The following TMEM67 variants were observed in gnomAD, a reference collection of about 807,000 sequenced individuals.
The protein encoded by TMEM67 is meckelin.
TMEM67 carries 124 observed loss-of-function variants against 136.6 expected under a neutral mutation model. That is an observed-to-expected ratio of 0.91 (90% CI 0.78 to 1.05). The LOEUF is 1.05. TMEM67 is among the 50% of genes least tolerant of loss of function. TMEM67 has a pLI of 0.00. For synonymous variants in TMEM67, 364 were observed against 390.5 expected, an observed-to-expected ratio of 0.93 and a Z score of 0.80; for missense variants, 1,107 against 1,178.4, an observed-to-expected ratio of 0.94 and a Z score of 0.89.
At chr8:93,769,971 A>C (rs1350280403) in intron 6 of TMEM67, among the ~76,000 whole-genome samples, 2 of 152,204 alleles carry the variant, frequency 1.3e-5, no homozygotes, top group African/African-American at 2.4e-5. Flanking sequence ...AATCCTACTC[A>C]TCCTACTCTT....
In TMEM67 at chr8:93,780,596, T is replaced by A; in HGVS notation, c.718T>A (p.Tyr240Asn). The A allele has an allele frequency of 6.2e-7, 1 of 1,614,134 alleles. No homozygotes were observed. Among genetic ancestry groups the A allele is most frequent in the Non-Finnish European group, 8.5e-7 (1 of 1,180,012 alleles). ...CTTTGCCATTGTTCTGTTGTAGGTA[T>A]ATGCCAATCTAACATCTTGTCAAGC... is the stretch of plus-strand genomic sequence containing the variant. ...LQSSAAACWV[Y>N]ANLTSCQALG... is the part of the protein sequence containing the mutation. The change falls in exon 8 of 28, where the codon TAT becomes AAT. Residue 240 changes from tyrosine (Y) to asparagine (N), a missense_variant. Physicochemically the swap from Tyr to Asn is moderately radical, Grantham distance 143 (BLOSUM62 -2). This residue lies in a region of TMEM67 where 925 missense variants were observed against 1,002.4 expected (regional missense o/e 0.92). Transcript: ENST00000453321.
At chr8:93,783,451 C>G (rs146729253) in intron 11 of TMEM67, among the ~76,000 whole-genome samples, 1 of 152,080 alleles carries the variant, frequency 6.6e-6, no homozygotes, top group African/African-American at 2.4e-5. Flanking sequence ...TTCTTCTACC[C>G]GCTCATAACA....
Position 93,797,201 on chromosome 8 carries a change from G to T in TMEM67, c.1928G>T (p.Arg643Leu). ...GATGTATTCTTTATTGATTGGGAGCGACCTAAAGGAAAGGTTCTTAAAGCT... is the reference window on the plus strand; with the variant it reads ...GATGTATTCTTTATTGATTGGGAGCTACCTAAAGGAAAGGTTCTTAAAGCT... ...TIDVFFIDWE[R>L]PKGKVLKAVE... The change falls in exon 19 of 28, where the codon CGA (arginine) becomes CTA (leucine). Residue 643 changes from arginine to leucine, a missense_variant. By Grantham distance (102) the Arg-to-Leu change is moderately radical. Around this residue, in one of 3 missense-constraint regions of TMEM67, gnomAD observed 925 missense variants for 1,002.4 expected, o/e 0.92. Coordinates refer to ENST00000453321, the MANE Select transcript of TMEM67 (RefSeq NM_153704.6). The T allele has an allele frequency of 6.2e-7, 1 of 1,613,312 alleles. No homozygotes were observed. Among genetic ancestry groups the T allele is most frequent in the South Asian group, 1.1e-5 (1 of 91,038 alleles).
At chr8:93,814,746 C>A (rs1808841735) in intron 26 of TMEM67, among the ~76,000 whole-genome samples, 1 of 151,846 alleles carries the variant, frequency 6.6e-6, no homozygotes, top group South Asian at 2.1e-4. Flanking sequence ...CTCAGCCTCC[C>A]AAAGTGCTGG....
intron 11 of TMEM67, 58 bp from the exon 12 acceptor site, chr8:93,785,164 C>T: frequency 1.0e-6 from 1 of 988,514 alleles, no homozygotes; most frequent in Non-Finnish European, 1.6e-6. Flanking sequence ...TTATTTTTTA[C>T]TTTTTAGTAC....
At chr8:93,810,408 C>T (rs894701369) in intron 26 of TMEM67, among the ~76,000 whole-genome samples, 8 of 151,802 alleles carry the variant, frequency 5.3e-5, no homozygotes, top group Middle Eastern at 3.4e-3. Flanking sequence ...TGGTGAAACC[C>T]GTCTTTACTA....
At chr8:93,795,112 T>C (rs1586066566) in intron 16 of TMEM67, 1 of 456,778 alleles carries the variant, frequency 2.2e-6, no homozygotes, top group East Asian at 4.2e-5. Flanking sequence ...GGAGGAGAGA[T>C]TAGAGGGGAG....
At position 93,816,367 on chromosome 8, in the gene TMEM67, TC is replaced by T; in HGVS notation, c.2908-3del. ...TTTTCATTCTGAATTGTTTTAATTT[TC>T]CAGATTTTTAGATATATCCGTAATA... On this transcript the variant is annotated splice_region_variant and splice_polypyrimidine_tract_variant and intron_variant, in intron 27 of 27. Transcript: ENST00000453321. The T allele has an allele frequency of 7.0e-7, 1 of 1,434,794 alleles. No individual in the cohort carries two copies. The highest frequency in any genetic ancestry group is 9.7e-7 in the Non-Finnish European group (1 of 1,031,038). The allele number at this position is 1,434,794 out of a possible 1,614,324, so 88.9% of individuals were successfully genotyped here. A position where few individuals can be genotyped will look rare whatever the true frequency, so the allele number is the denominator to read the frequency against.
At position 93,816,610 on chromosome 8, in the gene TMEM67, A is replaced by G. The variant is rs991384916; in HGVS notation, c.*158A>G. The G allele has an allele frequency of 4.0e-6, 2 of 503,412 alleles. No individual in the cohort carries two copies. Among genetic ancestry groups the G allele is most frequent in the Middle Eastern group, 1.1e-3 (2 of 1,844 alleles). The allele number at this position is 503,412 out of a possible 1,614,324, so 31.2% of individuals were successfully genotyped here. A position where few individuals can be genotyped will look rare whatever the true frequency, so the allele number is the denominator to read the frequency against. On this transcript the variant is annotated 3_prime_UTR_variant, in exon 28 of 28. Coordinates refer to ENST00000453321, the MANE Select transcript of TMEM67 (RefSeq NM_153704.6). ...ATTTATTTTTATAACTTGGGAATATATAACCTGATATAATAGAAAATACTG... is the reference window on the plus strand; with the variant it reads ...ATTTATTTTTATAACTTGGGAATATGTAACCTGATATAATAGAAAATACTG...
chr8:93,809,978 T>C (rs929055253), intron 26 of TMEM67, 91 bp downstream of exon 26: 7 of 827,248 alleles, frequency 8.5e-6, no homozygotes, highest in South Asian at 3.2e-5. Context: ...TTTCTTTTTT[T>C]TTTTTTTTTA....
At chr8:93,758,451 AAG>A in intron 2 of TMEM67, 30 bp from the exon 3 acceptor site, 1 of 1,544,486 alleles carries the variant, frequency 6.5e-7, no homozygotes, top group African/African-American at 1.4e-5. Context: ...TTAATTAAAA[AAG>A]AGAAAAGCAT....
chr8:93,767,863 C>CTTTTT (rs200241819), intron 6 of TMEM67, among the ~76,000 whole-genome samples: 12 of 109,890 alleles, frequency 1.1e-4, no homozygotes, highest in South Asian at 2.9e-4. Flanking sequence ...TTTCTTTTTT[C>CTTTTT]TTTTTTTTTT....
At chr8:93,820,327 A>G (rs1207820105), downstream of TMEM67, among the ~76,000 whole-genome samples, 3 of 152,164 alleles carry the variant, frequency 2.0e-5, no homozygotes, top group Non-Finnish European at 4.4e-5. Flanking sequence ...TTGGAGGGCA[A>G]TGAGGTTGGA....
At chr8:93,829,617 C>G in the TMEM67 span, among the ~76,000 whole-genome samples, 15 of 152,354 alleles carry the variant, frequency 9.8e-5, no homozygotes, top group Middle Eastern at 3.4e-3. Flanking sequence ...ACAAGAAATG[C>G]AGTTTCACCA....
rs528011375 is a variant in TMEM67, at chr8:93,812,104, G to A, written c.2764+2217G>A. Among the ~76,000 whole-genome samples, 18 of 149,094 alleles carry A rather than the reference G, an allele frequency of 1.2e-4. No individual in the cohort carries two copies. In the South Asian group the frequency reaches 2.7e-3, roughly 23 times the overall value. On this transcript the variant is annotated intron_variant, in intron 26 of 27. Coordinates refer to ENST00000453321, the MANE Select transcript of TMEM67 (RefSeq NM_153704.6). ...GCGGAGGTTGTGGTGAGCTGAGATC[G>A]CACCATTGCACTCCAACCTGGGCAA... is the stretch of plus-strand genomic sequence containing the variant.
At chr8:93,827,342 GC>G in the TMEM67 span, among the ~76,000 whole-genome samples, 1 of 152,040 alleles carries the variant, frequency 6.6e-6, no homozygotes, top group East Asian at 1.9e-4. Context: ...ACTGATAGTT[GC>G]CTGTGGAATA....
chr8:93,824,445 A>G, the TMEM67 span, among the ~76,000 whole-genome samples: 1 of 152,162 alleles, frequency 6.6e-6, no homozygotes, highest in South Asian at 2.1e-4. Context: ...TGTGCACAAG[A>G]GTATCTGTCC....
At chr8:93,809,709 C>T (rs76257474) in intron 25 of TMEM67, 76 bp from the exon 26 acceptor site, 308 of 860,846 alleles carry the variant, frequency 3.6e-4, no homozygotes, top group Non-Finnish European at 5.4e-4. Context: ...ATTTTCTCTC[C>T]TGCTGATTTT....
downstream of TMEM67, among the ~76,000 whole-genome samples, chr8:93,823,426 G>A (rs1010093847): frequency 1.3e-5 from 2 of 151,932 alleles, no homozygotes; most frequent in African/African-American, 4.8e-5. Flanking sequence ...TGTGTGGGTG[G>A]GTAGGGGTGT....
Sources: gnomAD v4.1 joint callset for allele counts (sites outside exome capture counted in the v4.1 genomes callset) on GRCh38, gnomAD v4.1.1 for gene constraint, gnomAD v4.1.1 regional missense constraint, MANE v1.5 for transcripts, NCBI Gene and HGNC (gene_info 2026-07-23, HGNC 2026-07-21) for gene names.